The following SERPINE2 variants were observed in gnomAD, a reference collection of about 807,000 sequenced individuals.
SERPINE2 encodes serpin family E member 2.
SERPINE2 carries 14 observed loss-of-function variants against 36.3 expected under a neutral mutation model. The ratio of observed to expected loss-of-function variants is 0.39; its 90% CI spans 0.25 to 0.60. The LOEUF is 0.60. SERPINE2 is among the 20% of genes least tolerant of loss of function. The pLI, the probability that SERPINE2 is intolerant of heterozygous loss-of-function variation, is 0.57. For missense variants in SERPINE2, 418 were observed against 499.6 expected (o/e 0.84, Z 1.56); for synonymous variants, 192 against 191.8 (o/e 1.00, Z -0.01).
intron 1 of SERPINE2, among the ~76,000 whole-genome samples, chr2:224,012,216 C>T (rs1400850024): frequency 6.6e-6 from 1 of 152,130 alleles, no homozygotes; most frequent in African/African-American, 2.4e-5. Flanking sequence ...ACTGGGAGCA[C>T]TTCCTAATGA....
Position 223,991,862 on chromosome 2 carries a change from G to A in SERPINE2, c.626C>T (p.Ala209Val), listed in dbSNP as rs61742368. 1.2e-6 allele frequency: 2 copies of A among 1,613,226 alleles called. No homozygotes were observed. The highest frequency in any genetic ancestry group is 1.7e-4 in the Middle Eastern group (1 of 6,056). The change falls in exon 4 of 9, where the codon GCA (alanine) becomes GTA (valine). Residue 209 changes from alanine to valine, a missense_variant. By Grantham distance (64) the Ala-to-Val change is moderately conservative. Transcript: ENST00000409304. ...CACTTGATAGGATTTCCCGTCGGCT[G>A]CCACGAAAGTGCGTTTCTTTGTGTT... The part of the protein sequence containing the change: ...PENTKKRTFV[A>V]ADGKSYQVPM...
In SERPINE2 at chr2:224,003,981, G is replaced by A. The variant is rs187579882; in HGVS notation, c.-22-2059C>T. On this transcript the variant is annotated intron_variant, in intron 1 of 8. Transcript: ENST00000409304. Reference sequence around the variant, plus strand: ...CACAGTGTTAGGCAAAACTGGCCCCGTATTTGGTGTCTCCTTGCCTTCCTT... The same window carrying A: ...CACAGTGTTAGGCAAAACTGGCCCCATATTTGGTGTCTCCTTGCCTTCCTT... 1.9e-3 allele frequency among the ~76,000 whole-genome samples: 293 copies of A among 152,284 alleles called. 1 individual carries two copies. The highest frequency in any genetic ancestry group is 5.6e-3 in the African/African-American group (232 of 41,562).
intron 4 of SERPINE2, among the ~76,000 whole-genome samples, chr2:223,986,919 C>T (rs532681797): frequency 2.2e-4 from 34 of 152,260 alleles, no homozygotes; most frequent in African/African-American, 7.5e-4. Context: ...ATCAGACATA[C>T]GCATGCTTAC....
chr2:224,030,733 AAG>A (rs1409015808), intron 1 of SERPINE2: 1 of 154,110 alleles, frequency 6.5e-6, no homozygotes, highest in Non-Finnish European at 1.4e-5. Context: ...ACCTTTGAAA[AAG>A]AAGTTAAATC....
At position 224,031,565 on chromosome 2, in the gene SERPINE2, G is replaced by A. The variant is rs76306598; in HGVS notation, c.-23+7534C>T. ...TACACGGAAGGGCATGTGACCACGT[G>A]ACCTAGCATCAGCCAATCACAGGAC... On this transcript the variant is annotated intron_variant, in intron 1 of 8. Coordinates refer to ENST00000409304, the MANE Select transcript of SERPINE2 (RefSeq NM_001136528.2). 11,489 of 933,310 alleles carry A rather than the reference G, an allele frequency of 0.012. 419 individuals are homozygous for A. The East Asian group carries it at 0.26, about 21-fold the overall frequency. 57.8% of individuals were successfully genotyped at this position (933,310 alleles called of 1,614,324 possible).
intron 5 of SERPINE2, 77 bp downstream of exon 5, chr2:223,984,675 A>G (rs1184038879): frequency 1.4e-6 from 2 of 1,404,584 alleles, no homozygotes; most frequent in Admixed American, 2.0e-5. Flanking sequence ...TTTTCGCCTC[A>G]TGTTGTCTGG....
chr2:224,005,881 T>C (rs906999388), intron 1 of SERPINE2, among the ~76,000 whole-genome samples: 10 of 152,188 alleles, frequency 6.6e-5, no homozygotes, highest in Admixed American at 3.3e-4. Flanking sequence ...CATAAGCCCA[T>C]CAGTAGAGCC....
chr2:224,007,793 A>AGAC (rs1691481137), intron 1 of SERPINE2, among the ~76,000 whole-genome samples: 1 of 152,066 alleles, frequency 6.6e-6, no homozygotes, highest in African/African-American at 2.4e-5. Flanking sequence ...GTTGAAAAAA[A>AGAC]CAGGTTATTT....
intron 5 of SERPINE2, 46 bp downstream of exon 5, chr2:223,984,706 G>A (rs1690356940): frequency 1.2e-5 from 19 of 1,571,062 alleles, no homozygotes; most frequent in Non-Finnish European, 1.7e-5. Context: ...AACACCTGCT[G>A]ATTGAATAAT....
At chr2:223,987,163 A>G (rs1690469618) in intron 4 of SERPINE2, among the ~76,000 whole-genome samples, 1 of 152,160 alleles carries the variant, frequency 6.6e-6, no homozygotes. Context: ...CAATAATAGC[A>G]CCTACTTTAC....
At chr2:224,013,189 C>T (rs535310865) in intron 1 of SERPINE2, among the ~76,000 whole-genome samples, 7 of 152,206 alleles carry the variant, frequency 4.6e-5, no homozygotes, top group Middle Eastern at 3.4e-3. Flanking sequence ...CCTTTCTCCC[C>T]GGCTCACTGA....
At chr2:223,985,433 C>T (rs186013004) in intron 4 of SERPINE2, among the ~76,000 whole-genome samples, 2 of 151,878 alleles carry the variant, frequency 1.3e-5, no homozygotes, top group Admixed American at 6.6e-5. Context: ...CACATAATTA[C>T]CCATTTTGCT....
At chr2:223,999,816 C>T (rs991345919) in intron 2 of SERPINE2, among the ~76,000 whole-genome samples, 6 of 152,096 alleles carry the variant, frequency 3.9e-5, no homozygotes, top group African/African-American at 7.2e-5. Context: ...CTGTCTCGGC[C>T]GACACAGCCT....
chr2:223,989,373 G>A (rs1359809279), intron 4 of SERPINE2, among the ~76,000 whole-genome samples: 1 of 152,194 alleles, frequency 6.6e-6, no homozygotes, highest in Non-Finnish European at 1.5e-5. Flanking sequence ...GCGTGGCTGA[G>A]GCCCAGGAAG....
chr2:224,002,631 T>G (rs1691228348), intron 1 of SERPINE2, among the ~76,000 whole-genome samples: 1 of 150,924 alleles, frequency 6.6e-6, no homozygotes, highest in African/African-American at 2.4e-5. Flanking sequence ...TATGTGGGAT[T>G]ACAAGTGTGC....
chr2:223,976,224 C>T (rs923636060), intron 8 of SERPINE2, among the ~76,000 whole-genome samples: 2 of 152,208 alleles, frequency 1.3e-5, no homozygotes, highest in East Asian at 3.9e-4. Context: ...CATCTCGGCT[C>T]ACTGCAATTT....
chr2:224,019,770 A>ATTTTTTTTTTTT (rs1261601893), intron 1 of SERPINE2, among the ~76,000 whole-genome samples: 2 of 129,286 alleles, frequency 1.5e-5, no homozygotes, highest in Non-Finnish European at 3.2e-5. Context: ...TTTTTTAAAA[A>ATTTTTTTTTTTT]AAAAAAAAGA....
chr2:224,012,983 C>G (rs892156847), intron 1 of SERPINE2, among the ~76,000 whole-genome samples: 1 of 152,154 alleles, frequency 6.6e-6, no homozygotes, highest in African/African-American at 2.4e-5. Context: ...CCCATTACAA[C>G]CCACAGACCA....
At chr2:223,993,852 A>C (rs1206275516) in intron 3 of SERPINE2, among the ~76,000 whole-genome samples, 1 of 152,206 alleles carries the variant, frequency 6.6e-6, no homozygotes, top group Non-Finnish European at 1.5e-5. Context: ...CAAAGAAGGA[A>C]AATATCTAAG....
Sources: gnomAD v4.1 joint callset for allele counts (sites outside exome capture counted in the v4.1 genomes callset) on GRCh38, gnomAD v4.1.1 for gene constraint, MANE v1.5 for transcripts, NCBI Gene and HGNC (gene_info 2026-07-23, HGNC 2026-07-21) for gene names.